The following UST variants were observed in gnomAD, a reference collection of about 807,000 sequenced individuals.
The protein encoded by UST is chondroitin sulfate 2-O-sulfotransferase.
A neutral mutation model predicts 45.6 loss-of-function variants in UST; 21 were observed. That is an observed-to-expected ratio of 0.46 (90% CI 0.33 to 0.66). The LOEUF (loss-of-function observed/expected upper bound fraction) is 0.66, where lower values mean the gene tolerates loss of function less well. UST is among the 30% of genes least tolerant of loss of function. The pLI is 0.02. For missense variants in UST, 463 were observed against 512.4 expected, an observed-to-expected ratio of 0.90 and a Z score of 0.93; for synonymous variants, 215 against 200.6, an observed-to-expected ratio of 1.07 and a Z score of -0.61.
intron 2 of UST, among the ~76,000 whole-genome samples, chr6:148,921,288 G>T (rs1489487390): frequency 6.6e-6 from 1 of 152,206 alleles, no homozygotes; most frequent in East Asian, 1.9e-4. Context: ...AGATTAAGGA[G>T]TTGAGAATAA....
intron 7 of UST, among the ~76,000 whole-genome samples, chr6:149,071,472 T>A (rs1330307548): frequency 6.6e-6 from 1 of 152,178 alleles, no homozygotes; most frequent in Admixed American, 6.5e-5. Context: ...AATGGCTTCT[T>A]TAATATGACA....
At chr6:149,054,185 G>T (rs1171430751) in intron 7 of UST, among the ~76,000 whole-genome samples, 1 of 152,184 alleles carries the variant, frequency 6.6e-6, no homozygotes, top group African/African-American at 2.4e-5. Flanking sequence ...GGGTGCGGTA[G>T]AATTAAATCT....
intron 1 of UST, among the ~76,000 whole-genome samples, chr6:148,879,566 A>G (rs1187721440): frequency 1.3e-5 from 2 of 152,184 alleles, no homozygotes; most frequent in African/African-American, 2.4e-5. Flanking sequence ...TGACAGCAAC[A>G]TTTCTTAAAA....
intron 1 of UST, among the ~76,000 whole-genome samples, chr6:148,837,323 C>T (rs1777805396): frequency 6.6e-6 from 1 of 152,162 alleles, no homozygotes; most frequent in Non-Finnish European, 1.5e-5. Context: ...GGGACAAAGC[C>T]TACTCCATGC....
intron 1 of UST, among the ~76,000 whole-genome samples, chr6:148,809,016 C>A (rs1249850014): frequency 2.0e-5 from 3 of 152,232 alleles, no homozygotes; most frequent in African/African-American, 2.4e-5. Flanking sequence ...TTTGTTATAG[C>A]AGCCCATGCT....
intron 3 of UST, among the ~76,000 whole-genome samples, chr6:148,952,305 C>T (rs1043836969): frequency 6.6e-6 from 1 of 152,054 alleles, no homozygotes; most frequent in Non-Finnish European, 1.5e-5. Flanking sequence ...GGTGGTGTGT[C>T]GAGGATAAAC....
intron 1 of UST, among the ~76,000 whole-genome samples, chr6:148,876,081 T>C (rs1279741093): frequency 2.0e-5 from 3 of 152,318 alleles, no homozygotes; most frequent in Non-Finnish European, 4.4e-5. Flanking sequence ...CTGTAGGCTG[T>C]ACAGAAAGTA....
chr6:148,929,769 C>G (rs1459475478), intron 2 of UST, among the ~76,000 whole-genome samples: 2 of 152,072 alleles, frequency 1.3e-5, no homozygotes, highest in Non-Finnish European at 2.9e-5. Context: ...CATGTTTAAC[C>G]CATTTGTTCT....
At chr6:148,919,690 T>A (rs1211118767) in intron 2 of UST, among the ~76,000 whole-genome samples, 4 of 152,266 alleles carry the variant, frequency 2.6e-5, no homozygotes, top group Admixed American at 6.5e-5. Context: ...TTGTTCTTGA[T>A]GTTTTTCTTC....
At chr6:149,049,601 A>T (rs1324909317) in intron 7 of UST, among the ~76,000 whole-genome samples, 1 of 152,236 alleles carries the variant, frequency 6.6e-6, no homozygotes, top group African/African-American at 2.4e-5. Context: ...GATAAAAATT[A>T]TATGGAAGCA....
intron 1 of UST, among the ~76,000 whole-genome samples, chr6:148,841,152 C>T (rs939359191): frequency 9.4e-5 from 14 of 148,544 alleles, no homozygotes; most frequent in African/African-American, 3.2e-4. Context: ...TAGAATAAAA[C>T]GTATTTCTTA....
intron 1 of UST, among the ~76,000 whole-genome samples, chr6:148,865,302 G>A (rs889639055): frequency 6.6e-6 from 1 of 152,142 alleles, no homozygotes; most frequent in Non-Finnish European, 1.5e-5. Context: ...AGTAACAGCA[G>A]GGCTTACTTT....
intron 1 of UST, among the ~76,000 whole-genome samples, chr6:148,865,589 G>A (rs1778410125): frequency 6.6e-6 from 1 of 152,072 alleles, no homozygotes; most frequent in Non-Finnish European, 1.5e-5. Context: ...CCATGCCAAA[G>A]TGAAATGAAA....
intron 1 of UST, among the ~76,000 whole-genome samples, chr6:148,767,697 G>A (rs145678587): frequency 4.6e-5 from 7 of 152,214 alleles, no homozygotes; most frequent in African/African-American, 1.7e-4. Flanking sequence ...AATTAAAACT[G>A]TTAATACATG....
At chr6:148,759,664 C>T (rs1375294721) in intron 1 of UST, among the ~76,000 whole-genome samples, 2 of 150,560 alleles carry the variant, frequency 1.3e-5, no homozygotes, top group African/African-American at 4.9e-5. Flanking sequence ...CTGGCTAACA[C>T]GGTGAAACCC....
At chr6:149,063,219 C>G (rs1463112098) in intron 7 of UST, among the ~76,000 whole-genome samples, 2 of 152,188 alleles carry the variant, frequency 1.3e-5, no homozygotes, top group African/African-American at 4.8e-5. Flanking sequence ...AAAACAATCT[C>G]TATTGTGTTC....
At chr6:148,870,888 TATC>T (rs948726941) in intron 1 of UST, among the ~76,000 whole-genome samples, 1 of 152,214 alleles carries the variant, frequency 6.6e-6, no homozygotes, top group Non-Finnish European at 1.5e-5. Flanking sequence ...ATACTTATTT[TATC>T]ATCCTTTGTT....
intron 1 of UST, among the ~76,000 whole-genome samples, chr6:148,856,761 G>A (rs1429650608): frequency 1.3e-5 from 2 of 152,140 alleles, no homozygotes; most frequent in Non-Finnish European, 2.9e-5. Context: ...CTTGCCCTAA[G>A]TTACATTTCA....
At chr6:148,876,032 G>A (rs1778644751) in intron 1 of UST, among the ~76,000 whole-genome samples, 1 of 152,162 alleles carries the variant, frequency 6.6e-6, no homozygotes, top group Non-Finnish European at 1.5e-5. Context: ...TGGTGACTAG[G>A]TAATTTATAA....
Sources: allele counts gnomAD v4.1 joint callset (sites outside exome capture counted in the v4.1 genomes callset), GRCh38; gene constraint gnomAD v4.1.1; transcripts MANE v1.5; gene names NCBI Gene and HGNC (gene_info 2026-07-23, HGNC 2026-07-21).